Variants in NEGR1 observed in about 807,000 individuals in gnomAD.
NEGR1 encodes neuronal growth regulator 1, also known as IgLON family member 4.
A neutral mutation model predicts 40.9 loss-of-function variants in NEGR1; 10 were observed. That is an observed-to-expected ratio of 0.24 (90% CI 0.15 to 0.42). The LOEUF is 0.42. Ranked by LOEUF, NEGR1 falls within the 10% of genes least tolerant of loss-of-function variation. The pLI is 1.00. For synonymous variants in NEGR1, 185 were observed against 166.8 expected (o/e 1.11, Z -0.84); for missense variants, 352 against 438.9 (o/e 0.80, Z 1.77).
chr1:71,938,532 G>T (rs1570530121), intron 1 of NEGR1, among the ~76,000 whole-genome samples: 1 of 149,036 alleles, frequency 6.7e-6, no homozygotes, highest in East Asian at 2.0e-4. Context: ...GCAATACAAA[G>T]AGATATTGCT....
At chr1:71,530,194 C>A (rs1647311205) in intron 6 of NEGR1, among the ~76,000 whole-genome samples, 1 of 151,222 alleles carries the variant, frequency 6.6e-6, no homozygotes, top group African/African-American at 2.4e-5. Context: ...GTTTGCAAAT[C>A]TAATATTTAT....
At chr1:71,480,105 A>G (rs1024485668) in intron 6 of NEGR1, among the ~76,000 whole-genome samples, 2 of 151,986 alleles carry the variant, frequency 1.3e-5, no homozygotes, top group Non-Finnish European at 2.9e-5. Context: ...CCATGTAATT[A>G]CAGTGGCCAT....
At chr1:71,942,749 G>A (rs1003292798) in intron 1 of NEGR1, among the ~76,000 whole-genome samples, 5 of 145,080 alleles carry the variant, frequency 3.4e-5, no homozygotes, top group East Asian at 4.1e-4. Context: ...TGATCCGCCC[G>A]CCTCGGCCTC....
chr1:71,449,650 T>A (rs1282902019), intron 6 of NEGR1, among the ~76,000 whole-genome samples: 1 of 152,242 alleles, frequency 6.6e-6, no homozygotes, highest in Non-Finnish European at 1.5e-5. Flanking sequence ...TAAAAGTTTA[T>A]AACAGAATTC....
chr1:71,940,863 A>C (rs1296410113), intron 1 of NEGR1, among the ~76,000 whole-genome samples: 2 of 152,134 alleles, frequency 1.3e-5, no homozygotes, highest in African/African-American at 4.8e-5. Flanking sequence ...CTGAGGAATG[A>C]TTTTGTCTAC....
At chr1:71,823,565 T>G (rs1658510239) in intron 2 of NEGR1, among the ~76,000 whole-genome samples, 1 of 152,022 alleles carries the variant, frequency 6.6e-6, no homozygotes, top group South Asian at 2.1e-4. Flanking sequence ...TTGATAAATT[T>G]TATCCTCTAT....
chr1:71,407,407 T>C lies in NEGR1; in HGVS notation c.*39A>G. The C allele has an allele frequency of 1.9e-6, 3 of 1,602,800 alleles. No individual in the cohort carries two copies. The South Asian group carries it at 3.3e-5, about 18-fold the overall frequency. On this transcript the variant is annotated 3_prime_UTR_variant, in exon 7 of 7. Transcript: ENST00000357731. ...CAGATTGGATCCAGCCATCAGCACT[T>C]TCAGAGAATCCTTAAAAGCCTTTTA... is the stretch of plus-strand genomic sequence containing the variant.
At chr1:71,507,744 C>T (rs565517287) in intron 6 of NEGR1, among the ~76,000 whole-genome samples, 39 of 152,110 alleles carry the variant, frequency 2.6e-4, no homozygotes, top group Non-Finnish European at 4.9e-4. Flanking sequence ...AAAATGCGAG[C>T]CACTTTACCT....
At chr1:71,810,140 GAC>G (rs1657941293) in intron 2 of NEGR1, among the ~76,000 whole-genome samples, 1 of 152,094 alleles carries the variant, frequency 6.6e-6, no homozygotes, top group Non-Finnish European at 1.5e-5. Flanking sequence ...AACTAGCAAT[GAC>G]AGACAGCAGA....
intron 2 of NEGR1, among the ~76,000 whole-genome samples, chr1:71,822,023 T>A (rs1388740587): frequency 6.6e-6 from 1 of 152,002 alleles, no homozygotes; most frequent in African/African-American, 2.4e-5. Flanking sequence ...CAGAAGGGTT[T>A]TTTTTTGTAT....
chr1:71,552,565 T>C, intron 6 of NEGR1, among the ~76,000 whole-genome samples: 1 of 148,236 alleles, frequency 6.7e-6, no homozygotes, highest in East Asian at 2.0e-4. Context: ...GGATATATTC[T>C]ATATATTCTC....
chr1:71,553,081 T>G (rs1218231960), intron 6 of NEGR1, among the ~76,000 whole-genome samples: 1 of 151,594 alleles, frequency 6.6e-6, no homozygotes, highest in African/African-American at 2.4e-5. Context: ...ATTTCCTGTT[T>G]CTTTCTTTTA....
intron 6 of NEGR1, among the ~76,000 whole-genome samples, chr1:71,412,313 T>A (rs1430280328): frequency 1.3e-5 from 2 of 152,196 alleles, no homozygotes; most frequent in African/African-American, 2.4e-5. Flanking sequence ...TTTGCACTTA[T>A]TAAAGTCCTG....
intron 1 of NEGR1, among the ~76,000 whole-genome samples, chr1:71,956,542 G>T (rs1214373054): frequency 6.6e-6 from 1 of 151,866 alleles, no homozygotes; most frequent in Non-Finnish European, 1.5e-5. Flanking sequence ...AGTAACCTGA[G>T]ACATTATTAG....
At chr1:71,977,951 C>G (rs1003401779) in intron 1 of NEGR1, among the ~76,000 whole-genome samples, 1 of 152,002 alleles carries the variant, frequency 6.6e-6, no homozygotes, top group African/African-American at 2.4e-5. Flanking sequence ...AATGCTATTC[C>G]AAGTAAGATG....
intron 6 of NEGR1, among the ~76,000 whole-genome samples, chr1:71,492,912 T>C (rs988145690): frequency 6.6e-6 from 1 of 152,168 alleles, no homozygotes; most frequent in African/African-American, 2.4e-5. Context: ...AAATTTGCTA[T>C]GTTCAAGATA....
intron 3 of NEGR1, 65 bp downstream of exon 3, chr1:71,776,107 G>C: frequency 3.2e-6 from 4 of 1,234,256 alleles, no homozygotes; most frequent in Admixed American, 2.6e-5. Flanking sequence ...CTGAACAAGT[G>C]AGGTTAGTGA....
intron 2 of NEGR1, among the ~76,000 whole-genome samples, chr1:71,904,401 A>G (rs183181703): frequency 2.0e-5 from 3 of 152,212 alleles, no homozygotes; most frequent in Admixed American, 6.5e-5. Context: ...GCTTTATGAT[A>G]CTATACATCA....
At chr1:71,835,397 A>T (rs1658991186) in intron 2 of NEGR1, among the ~76,000 whole-genome samples, 1 of 152,120 alleles carries the variant, frequency 6.6e-6, no homozygotes, top group Admixed American at 6.6e-5. Flanking sequence ...TCATTTTTGC[A>T]ATCTACCATA....
Sources: gnomAD v4.1 joint callset for allele counts (sites outside exome capture counted in the v4.1 genomes callset) on GRCh38, gnomAD v4.1.1 for gene constraint, MANE v1.5 for transcripts, NCBI Gene and HGNC (gene_info 2026-07-23, HGNC 2026-07-21) for gene names.